GALNTL6: variants seen among roughly 807,000 people sequenced by gnomAD.
GALNTL6 encodes polypeptide N-acetylgalactosaminyltransferase like 6, also known as polypeptide N-acetylgalactosaminyltransferase-like 6.
GALNTL6 carries 46 observed loss-of-function variants against 73.7 expected under a neutral mutation model. The observed-to-expected ratio is 0.62, with a 90% CI of 0.49 to 0.80. The LOEUF (loss-of-function observed/expected upper bound fraction) is 0.80. Ranked by LOEUF, GALNTL6 falls within the 30% of genes least tolerant of loss-of-function variation. The pLI, the probability that GALNTL6 is intolerant of heterozygous loss-of-function variation, is 0.00. For synonymous variants in GALNTL6, 259 were observed against 263.7 expected (o/e 0.98, Z 0.17); for missense variants, 604 against 755.0 (o/e 0.80, Z 2.34).
intron 8 of GALNTL6, among the ~76,000 whole-genome samples, chr4:172,915,145 G>A (rs917856711): frequency 3.3e-5 from 5 of 152,192 alleles, no homozygotes; most frequent in African/African-American, 1.2e-4. Context: ...GCTCCTGAAT[G>A]ACTACTGGGT....
At chr4:171,933,154 T>C (rs1427692079) in intron 2 of GALNTL6, among the ~76,000 whole-genome samples, 1 of 152,224 alleles carries the variant, frequency 6.6e-6, no homozygotes, top group East Asian at 1.9e-4. Context: ...GGAAAAAATC[T>C]TCAGATCATC....
chr4:172,499,275 A>G (rs576075214), intron 5 of GALNTL6, among the ~76,000 whole-genome samples: 1 of 152,240 alleles, frequency 6.6e-6, no homozygotes, highest in South Asian at 2.1e-4. Flanking sequence ...TGGAGCTCCT[A>G]TGACAGGATT....
At chr4:172,653,618 T>A (rs1043739109) in intron 5 of GALNTL6, among the ~76,000 whole-genome samples, 1 of 150,726 alleles carries the variant, frequency 6.6e-6, no homozygotes, top group Non-Finnish European at 1.5e-5. Context: ...GAAAAAAAAA[T>A]ACCTTGCTAT....
At chr4:172,628,784 T>G (rs1739270419) in intron 5 of GALNTL6, among the ~76,000 whole-genome samples, 1 of 152,174 alleles carries the variant, frequency 6.6e-6, no homozygotes, top group African/African-American at 2.4e-5. Context: ...AAGACTTTCT[T>G]AAAAACAAAG....
chr4:172,487,272 C>CTTT (rs144945614), intron 5 of GALNTL6, among the ~76,000 whole-genome samples: 1 of 127,800 alleles, frequency 7.8e-6, no homozygotes, highest in South Asian at 2.6e-4. Flanking sequence ...CCTTCCTTTC[C>CTTT]TCTTTCTTTC....
At position 172,699,418 on chromosome 4, in the gene GALNTL6, A is replaced by C. The variant is rs186147450; in HGVS notation, c.554-109943A>C. ...CACAATATATCACAAACACATGTAT[A>C]CATAAGGTTCAGTCCTTCATAGTGA... is the stretch of plus-strand genomic sequence containing the variant. On this transcript the variant is annotated intron_variant, in intron 5 of 12. Transcript: ENST00000506823. 1.7e-4 allele frequency among the ~76,000 whole-genome samples: 26 copies of C among 152,342 alleles called. No homozygotes were observed. The Middle Eastern group carries it at 0.017, about 100-fold the overall frequency.
At chr4:172,619,510 C>CT (rs1180324046) in intron 5 of GALNTL6, among the ~76,000 whole-genome samples, 1 of 152,166 alleles carries the variant, frequency 6.6e-6, no homozygotes, top group Non-Finnish European at 1.5e-5. Flanking sequence ...GAACAACAAA[C>CT]TAATTTTATG....
chr4:172,355,383 A>G (rs1455902515), intron 5 of GALNTL6, among the ~76,000 whole-genome samples: 3 of 152,150 alleles, frequency 2.0e-5, no homozygotes, highest in Admixed American at 2.0e-4. Flanking sequence ...ACGATGAAAT[A>G]CATGCAGGCT....
chr4:171,875,918 A>G (rs1736263960), intron 2 of GALNTL6, among the ~76,000 whole-genome samples: 1 of 151,870 alleles, frequency 6.6e-6, no homozygotes, highest in Non-Finnish European at 1.5e-5. Context: ...ACCATGTTGT[A>G]TATTTGGGCA....
At chr4:172,199,455 TTC>T in intron 2 of GALNTL6, among the ~76,000 whole-genome samples, 1 of 152,322 alleles carries the variant, frequency 6.6e-6, no homozygotes. Flanking sequence ...AATTTTGTGC[TTC>T]TGTTTTAGAT....
In GALNTL6 at chr4:172,991,570, T is replaced by C. The variant is rs1751547030; in HGVS notation, c.1372-17608T>C. ...GCATGCCACCACACTCAGCTAATTT[T>C]TGTGTTGTTTTTTTTTTAGTAGAGA... On this transcript the variant is annotated intron_variant, in intron 10 of 12. Transcript: ENST00000506823. Among the ~76,000 whole-genome samples, 4 of 151,596 alleles carry C rather than the reference T, an allele frequency of 2.6e-5. No homozygotes were observed. The South Asian group carries it at 8.3e-4, about 32-fold the overall frequency.
rs562464659 is a variant in GALNTL6, at chr4:171,989,279, C to A, written c.138+174561C>A. Reference sequence around the variant, plus strand: ...GGTCTAGGGGGCTTCTGAGGCGATCCGGCAGTGTCAGTCTTCAGCCACGAA... The same window carrying A: ...GGTCTAGGGGGCTTCTGAGGCGATCAGGCAGTGTCAGTCTTCAGCCACGAA... On this transcript the variant is annotated intron_variant, in intron 2 of 12. Transcript: ENST00000506823. Among the ~76,000 whole-genome samples the A allele has an allele frequency of 2.0e-4, 31 of 152,244 alleles. No homozygotes were observed. In the South Asian group the frequency reaches 2.5e-3, roughly 12 times the overall value.
intron 5 of GALNTL6, among the ~76,000 whole-genome samples, chr4:172,725,727 T>C (rs750722447): frequency 6.6e-6 from 1 of 152,230 alleles, no homozygotes; most frequent in Non-Finnish European, 1.5e-5. Context: ...GGTTAATGAA[T>C]GATAAACAGT....
At chr4:172,564,761 T>C (rs55791713) in intron 5 of GALNTL6, among the ~76,000 whole-genome samples, 50,690 of 152,122 alleles carry the variant, frequency 0.33, 8,842 homozygotes, top group Middle Eastern at 0.51. Context: ...GTGGGTCCTC[T>C]TGAGGAGAAT....
At chr4:172,530,157 A>G (rs1290194832) in intron 5 of GALNTL6, among the ~76,000 whole-genome samples, 3 of 152,060 alleles carry the variant, frequency 2.0e-5, no homozygotes, top group Non-Finnish European at 4.4e-5. Flanking sequence ...GAAGCTACCA[A>G]CCTTTATGAC....
chr4:172,546,421 C>T (rs1479394161), intron 5 of GALNTL6, among the ~76,000 whole-genome samples: 3 of 151,842 alleles, frequency 2.0e-5, no homozygotes, highest in African/African-American at 7.2e-5. Flanking sequence ...GACTCTACCA[C>T]TATGCAATAT....
At chr4:172,634,347 A>G (rs533713951) in intron 5 of GALNTL6, among the ~76,000 whole-genome samples, 14 of 152,266 alleles carry the variant, frequency 9.2e-5, no homozygotes, top group Admixed American at 8.5e-4. Context: ...AATAACTTAA[A>G]AACTGAAAAT....
At chr4:172,720,973 A>G (rs1304134793) in intron 5 of GALNTL6, among the ~76,000 whole-genome samples, 1 of 152,204 alleles carries the variant, frequency 6.6e-6, no homozygotes. Flanking sequence ...CAGGTATCTT[A>G]TGCTTTAAAT....
At chr4:172,565,235 C>T (rs1736514303) in intron 5 of GALNTL6, among the ~76,000 whole-genome samples, 1 of 152,266 alleles carries the variant, frequency 6.6e-6, no homozygotes, top group East Asian at 1.9e-4. Context: ...TTTTAACGTA[C>T]TAATTTTAAG....
Sources: allele counts gnomAD v4.1 joint callset (sites outside exome capture counted in the v4.1 genomes callset), GRCh38; gene constraint gnomAD v4.1.1; transcripts MANE v1.5; gene names NCBI Gene and HGNC (gene_info 2026-07-23, HGNC 2026-07-21).